The following NAPG variants were observed in gnomAD, a reference collection of about 807,000 sequenced individuals.
NAPG encodes NSF attachment protein gamma.
Under a neutral mutation model 48.4 loss-of-function variants are expected in NAPG, and 25 were observed. The ratio of observed to expected loss-of-function variants is 0.52; its 90% CI spans 0.38 to 0.72. The LOEUF (loss-of-function observed/expected upper bound fraction) is 0.72, where lower values mean the gene tolerates loss of function less well. Among genes scored for constraint, NAPG ranks in the 30% least tolerant of loss-of-function variants. The pLI is 0.00. For missense variants in NAPG, 359 were observed against 372.5 expected (o/e 0.96, Z 0.30); for synonymous variants, 139 against 127.2 (o/e 1.09, Z -0.62).
At chr18:10,528,947 C>A (rs1434770691) in intron 1 of NAPG, among the ~76,000 whole-genome samples, 2 of 152,130 alleles carry the variant, frequency 1.3e-5, no homozygotes, top group Non-Finnish European at 2.9e-5. Context: ...GTAAATTGAT[C>A]CCCACACAGA....
chr18:10,533,041 G>C, intron 3 of NAPG: 1 of 388,924 alleles, frequency 2.6e-6, no homozygotes. Flanking sequence ...CTTGATGATG[G>C]TTTTACTTGG....
chr18:10,529,313 C>T (rs1483145453), intron 1 of NAPG, among the ~76,000 whole-genome samples: 6 of 152,144 alleles, frequency 3.9e-5, no homozygotes, highest in Admixed American at 3.9e-4. Flanking sequence ...AGTAGACACA[C>T]CACAATTTAA....
At chr18:10,537,453 T>C (rs1311067525) in intron 5 of NAPG, among the ~76,000 whole-genome samples, 1 of 152,184 alleles carries the variant, frequency 6.6e-6, no homozygotes, top group Middle Eastern at 3.2e-3. Flanking sequence ...ATCCTCATCA[T>C]AGTCTTCACG....
At position 10,545,039 on chromosome 18, in the gene NAPG, C is replaced by T. The variant is rs376758389; in HGVS notation, c.507-1287C>T. Among the ~76,000 whole-genome samples, 10 of 152,180 alleles carry T rather than the reference C, an allele frequency of 6.6e-5. No individual in the cohort carries two copies. The East Asian group carries it at 1.4e-3, about 21-fold the overall frequency. On this transcript the variant is annotated intron_variant, in intron 8 of 11. Coordinates refer to ENST00000322897, the MANE Select transcript of NAPG (RefSeq NM_003826.3). The stretch of plus-strand genomic sequence containing the variant: ...AAAAAGATAACATACAGGCTGGGTG[C>T]GGTGGCTCACGTCTATAATCCCAGC...
In NAPG at chr18:10,550,195, A is replaced by G; in HGVS notation, c.914A>G (p.Asp305Gly). 2 of 1,589,918 alleles carry G rather than the reference A, an allele frequency of 1.3e-6. No individual in the cohort carries two copies. The highest frequency in any genetic ancestry group is 1.7e-4 in the Middle Eastern group (1 of 6,000). ...VTATAADEEE[D>G]EYSGGLC ...GCCACGGCTGCTGATGAAGAGGAAG[A>G]TGAATACTCAGGAGGACTATGCTAG... Residue 305 changes from aspartate to glycine, a missense_variant, in exon 12 of 12, where the codon GAT becomes GGT. Physicochemically the swap from Asp to Gly is moderately conservative, Grantham distance 94 (BLOSUM62 -1). Coordinates refer to ENST00000322897, the MANE Select transcript of NAPG (RefSeq NM_003826.3).
At chr18:10,549,518 ATCTCTAAGCC>A (rs969972301) in intron 11 of NAPG, among the ~76,000 whole-genome samples, 8 of 152,246 alleles carry the variant, frequency 5.3e-5, no homozygotes, top group Non-Finnish European at 1.2e-4. Context: ...GTCATTAATT[ATCTCTAAGCC>A]TCAGTTAATT....
Position 10,546,188 on chromosome 18 carries a change from C to A in NAPG, c.507-138C>A. On this transcript the variant is annotated intron_variant, in intron 8 of 11. Coordinates refer to ENST00000322897, the MANE Select transcript of NAPG (RefSeq NM_003826.3). The surrounding 1 kb of genome is among the most constrained non-coding windows in gnomAD (Gnocchi z 4.0). ...CCAGATGAGCAGAGCATGTGGAAAC[C>A]TGGGTCCTGGGGCAGCTGCTAATAA... 1 of 485,592 alleles carries A rather than the reference C, an allele frequency of 2.1e-6. No homozygotes were observed. The highest frequency in any genetic ancestry group is 3.6e-6 in the Non-Finnish European group (1 of 274,632). 30.1% of individuals were successfully genotyped at this position (485,592 alleles called of 1,614,324 possible).
Position 10,546,547 on chromosome 18 carries a change from TA to T in NAPG, c.585+144del. Reference sequence around the variant, plus strand: ...CATGGGCCTCTATTTTTGACCAAGATAGAGTAAGCCCACTACAGCTTGTTTC... The same window carrying T: ...CATGGGCCTCTATTTTTGACCAAGATGAGTAAGCCCACTACAGCTTGTTTC... On this transcript the variant is annotated intron_variant, in intron 9 of 11. Transcript: ENST00000322897. The surrounding 1 kb of genome is among the most constrained non-coding windows in gnomAD (Gnocchi z 4.0). The T allele has an allele frequency of 2.0e-6, 1 of 489,094 alleles. No individual in the cohort carries two copies. The highest frequency in any genetic ancestry group is 3.6e-6 in the Non-Finnish European group (1 of 279,260). The allele number at this position is 489,094 out of a possible 1,614,324, so 30.3% of individuals were successfully genotyped here.
At chr18:10,529,494 C>T (rs987722912) in intron 1 of NAPG, among the ~76,000 whole-genome samples, 1 of 152,128 alleles carries the variant, frequency 6.6e-6, no homozygotes, top group African/African-American at 2.4e-5. Context: ...TGGCTCATGC[C>T]GGTAATTCTA....
At chr18:10,532,991 G>T in intron 3 of NAPG, 196 bp downstream of exon 3, 1 of 503,396 alleles carries the variant, frequency 2.0e-6, no homozygotes, top group African/African-American at 1.9e-5. Flanking sequence ...ACACTGGTTC[G>T]CAGAGCTACA....
chr18:10,548,923 C>T lies in NAPG; in HGVS notation c.666-44C>T. 1 of 1,598,586 alleles carries T rather than the reference C, an allele frequency of 6.3e-7. No homozygotes were observed. ...GAATCATCCCTGCCTGAGATGTGTT[C>T]TTTTAAGGAGAAGGTGAAGACGTGT... On this transcript the variant is annotated intron_variant, in intron 10 of 11. Coordinates refer to ENST00000322897, the MANE Select transcript of NAPG (RefSeq NM_003826.3). The surrounding 1 kb of genome is among the most constrained non-coding windows in gnomAD (Gnocchi z 4.4).
intron 5 of NAPG, among the ~76,000 whole-genome samples, chr18:10,535,116 T>C (rs1039429571): frequency 6.6e-6 from 1 of 152,242 alleles, no homozygotes; most frequent in Non-Finnish European, 1.5e-5. Flanking sequence ...TTTGTCTTTC[T>C]TTTTTAAAAA....
chr18:10,533,535 G>T lies in NAPG; in HGVS notation c.210-1G>T. 6.3e-7 allele frequency: 1 copy of T among 1,595,770 alleles called. No individual in the cohort carries two copies. The highest frequency in any genetic ancestry group is 8.5e-7 in the Non-Finnish European group (1 of 1,172,062). On this transcript the variant is annotated splice_acceptor_variant, in intron 3 of 11. Coordinates refer to ENST00000322897, the MANE Select transcript of NAPG (RefSeq NM_003826.3). LOFTEE classifies it high-confidence loss of function. Reference sequence around the variant, plus strand: ...ACTTTGACTTCGTTACTTCCATTCAGTCTTTTTCATGCTGCCAAGTAAGTA... The same window carrying T: ...ACTTTGACTTCGTTACTTCCATTCATTCTTTTTCATGCTGCCAAGTAAGTA...
Position 10,549,126 on chromosome 18 carries a change from C to A in NAPG, c.795+30C>A, listed in dbSNP as rs116588880. 3.2e-4 allele frequency: 511 copies of A among 1,579,986 alleles called. 5 individuals carry two copies. The African/African-American group carries it at 6.2e-3, about 19-fold the overall frequency. On this transcript the variant is annotated intron_variant, in intron 11 of 11. Coordinates refer to ENST00000322897, the MANE Select transcript of NAPG (RefSeq NM_003826.3). ...GTGGACCCATTTGCATAGCTTTCAT[C>A]TTTTCTCTTGAAAGAAAGAGGTTTC...
intron 8 of NAPG, among the ~76,000 whole-genome samples, chr18:10,545,040 G>A (rs2032232963): frequency 6.6e-6 from 1 of 152,084 alleles, no homozygotes; most frequent in South Asian, 2.1e-4. Flanking sequence ...GGCTGGGTGC[G>A]GTGGCTCACG....
Position 10,550,271 on chromosome 18 carries a change from C to G in NAPG, c.*51C>G, listed in dbSNP as rs541604744. 1.4e-5 allele frequency: 22 copies of G among 1,537,670 alleles called. No individual in the cohort carries two copies. In the East Asian group the frequency reaches 4.8e-4, roughly 34 times the overall value. The stretch of plus-strand genomic sequence containing the variant: ...GAAACAAAGGTAAAATCCTGACATG[C>G]CATTTCAAGGACTTGGGAATAGATT... On this transcript the variant is annotated 3_prime_UTR_variant, in exon 12 of 12. Transcript: ENST00000322897.
At position 10,550,220 on chromosome 18, in the gene NAPG, G is replaced by A. The variant is rs749594206; in HGVS notation, c.939G>A (p.Ter313=). ...ATGAATACTCAGGAGGACTATGCTAGTATTTTGCTTGCTGAAAAGAAAAGG... is the reference window on the plus strand; with the variant it reads ...ATGAATACTCAGGAGGACTATGCTAATATTTTGCTTGCTGAAAAGAAAAGG... ...EEDEYSGGLC[*] is the part of the protein sequence containing the mutation. Residue 313 remains the stop codon, a stop_retained_variant, in exon 12 of 12, where the codon TAG becomes TAA. Transcript: ENST00000322897. The A allele has an allele frequency of 1.9e-6, 3 of 1,568,098 alleles. No homozygotes were observed. In the South Asian group the frequency reaches 3.6e-5, roughly 19 times the overall value.
intron 1 of NAPG, chr18:10,526,435 C>G (rs997223357): frequency 2.2e-6 from 1 of 459,000 alleles, no homozygotes; most frequent in Non-Finnish European, 3.9e-6. Flanking sequence ...TGCTGCGGGG[C>G]GAGGGCTTCT....
chr18:10,532,776 GC>G lies in NAPG; in HGVS notation c.193del (p.His65MetfsTer19). On this transcript the variant is annotated frameshift_variant, in exon 3 of 12. Coordinates refer to ENST00000322897, the MANE Select transcript of NAPG (RefSeq NM_003826.3). LOFTEE classifies it high-confidence loss of function. ...AGATGCCTGCCTGAGGGAAGCTGTT[GC>G]CCATGAAAATAATAGGGCGTATCTT... ...AKDACLREAVAHENNRALFHA... is the reference protein window; with the variant it reads ...AKDACLREAVXHENNRALFHA... The G allele has an allele frequency of 6.3e-7, 1 of 1,585,608 alleles. No homozygotes were observed. The highest frequency in any genetic ancestry group is 8.6e-7 in the Non-Finnish European group (1 of 1,164,322).
Sources: allele counts gnomAD v4.1 joint callset (sites outside exome capture counted in the v4.1 genomes callset), GRCh38; gene constraint gnomAD v4.1.1; non-coding constraint Gnocchi (gnomAD v3.1); transcripts MANE v1.5; gene names NCBI Gene and HGNC (gene_info 2026-07-23, HGNC 2026-07-21).